The following CFAP52 variants were observed in gnomAD, a reference collection of about 807,000 sequenced individuals.
The protein encoded by CFAP52 is cilia- and flagella-associated protein 52.
Under a neutral mutation model 70.5 loss-of-function variants are expected in CFAP52, and 57 were observed. The observed-to-expected ratio is 0.81, with a 90% CI of 0.65 to 1.01. The LOEUF is 1.01. Ranked by LOEUF, CFAP52 falls within the 50% of genes least tolerant of loss-of-function variation. The probability of loss-of-function intolerance (pLI) is 0.00; values close to 1 mark genes in which losing one functional copy is unlikely to be tolerated. For missense variants in CFAP52, 785 were observed against 788.5 expected (o/e 1.00, Z 0.05); for synonymous variants, 267 against 292.5 (o/e 0.91, Z 0.89).
At chr17:9,641,308 A>C (rs1482952958) in intron 12 of CFAP52, among the ~76,000 whole-genome samples, 1 of 152,154 alleles carries the variant, frequency 6.6e-6, no homozygotes, top group Non-Finnish European at 1.5e-5. Context: ...GTGCCTGTAC[A>C]GCCCAGTCTC....
chr17:9,600,267 A>G, intron 6 of CFAP52, 84 bp downstream of exon 6: 1 of 1,151,014 alleles, frequency 8.7e-7, no homozygotes, highest in Non-Finnish European at 1.3e-6. Flanking sequence ...TTTGAGATGC[A>G]GTCTTGTTCT....
Position 9,632,163 on chromosome 17 carries a change from C to T in CFAP52, c.1175-725C>T, listed in dbSNP as rs532971578. 2.6e-5 allele frequency among the ~76,000 whole-genome samples: 4 copies of T among 152,104 alleles called. No individual in the cohort carries two copies. In the East Asian group the frequency reaches 7.7e-4, roughly 29 times the overall value. ...CGGACTCTTGGCTCACTGCAACCTC[C>T]ATCTCCCAGGTTTAAGTGATCCTCC... On this transcript the variant is annotated intron_variant, in intron 9 of 13. Transcript: ENST00000352665.
rs1910631465 is a variant in CFAP52, at chr17:9,633,182, TAAATA to T, written c.1320+153_1320+157del. The T allele has an allele frequency of 3.1e-6, 3 of 954,764 alleles. No homozygotes were observed. In the Admixed American group the frequency reaches 9.0e-5, roughly 29 times the overall value. 59.1% of individuals were successfully genotyped at this position (954,764 alleles called of 1,614,324 possible). A position where few individuals can be genotyped will look rare whatever the true frequency, so the allele number is the denominator to read the frequency against. Reference sequence around the variant, plus strand: ...TTTGATGAGATCTGAAAATATGTCATAAATAAAAGTTCTAATATTATAAATGTATA... The same window carrying T: ...TTTGATGAGATCTGAAAATATGTCATAAAGTTCTAATATTATAAATGTATA... On this transcript the variant is annotated intron_variant, in intron 10 of 13. Transcript: ENST00000352665.
chr17:9,586,651 T>G, intron 2 of CFAP52, 47 bp from the exon 3 acceptor site: 1 of 1,544,152 alleles, frequency 6.5e-7, no homozygotes, highest in Non-Finnish European at 8.7e-7. Flanking sequence ...TCTCCTCAGA[T>G]GCTTTTAATG....
intron 1 of CFAP52, among the ~76,000 whole-genome samples, chr17:9,581,380 A>G (rs745505537): frequency 6.6e-6 from 1 of 152,234 alleles, no homozygotes; most frequent in Non-Finnish European, 1.5e-5. Context: ...TTGATACTGT[A>G]CAATCCTTAA....
intron 9 of CFAP52, among the ~76,000 whole-genome samples, chr17:9,631,750 T>G (rs1208100649): frequency 6.7e-6 from 1 of 150,012 alleles, no homozygotes; most frequent in Non-Finnish European, 1.5e-5. Context: ...CTAAGTGCAG[T>G]GGGAAAATGT....
At chr17:9,606,166 T>C (rs1020235048) in intron 6 of CFAP52, among the ~76,000 whole-genome samples, 1 of 152,168 alleles carries the variant, frequency 6.6e-6, no homozygotes, top group Non-Finnish European at 1.5e-5. Flanking sequence ...GAGGATCACT[T>C]GAGGCTGGAG....
At chr17:9,587,542 A>G (rs1391852529) in intron 3 of CFAP52, among the ~76,000 whole-genome samples, 6 of 151,972 alleles carry the variant, frequency 3.9e-5, no homozygotes, top group Non-Finnish European at 7.4e-5. Flanking sequence ...TTATTTTTTG[A>G]CTTTTTAATA....
At chr17:9,593,133 A>G (rs1908838303) in intron 3 of CFAP52, among the ~76,000 whole-genome samples, 1 of 152,218 alleles carries the variant, frequency 6.6e-6, no homozygotes. Context: ...ATGTTTTTAC[A>G]TGAACAAGAT....
In CFAP52 at chr17:9,586,679, G is replaced by A. The variant is rs768841227; in HGVS notation, c.271-19G>A. 1.9e-5 allele frequency: 31 copies of A among 1,597,060 alleles called. No homozygotes were observed. Among genetic ancestry groups the A allele is most frequent in the East Asian group, 9.0e-5 (4 of 44,262 alleles). On this transcript the variant is annotated intron_variant, in intron 2 of 13. Coordinates refer to ENST00000352665, the MANE Select transcript of CFAP52 (RefSeq NM_145054.5). The stretch of plus-strand genomic sequence containing the variant: ...TTTTAATGCCTCCCTATGATCTGAC[G>A]GTGTGTTCTTGCCCCCAGGCAGACA...
intron 4 of CFAP52, among the ~76,000 whole-genome samples, chr17:9,596,471 G>T (rs1029675252): frequency 1.3e-5 from 2 of 151,778 alleles, no homozygotes; most frequent in South Asian, 4.2e-4. Context: ...TGTGATGTTG[G>T]CCTTGAAATT....
rs376283850 is a variant in CFAP52 at position 9,632,895 on chromosome 17, C to G, written c.1182C>G (p.Asn394Lys). The change falls in exon 10 of 14, where the codon AAC becomes AAG. Residue 394 changes from asparagine (N) to lysine (K), a missense_variant. Coordinates refer to ENST00000352665, the MANE Select transcript of CFAP52 (RefSeq NM_145054.5). ...GTTTCCCTTTCATGCCAGCATGGAA[C>G]GACGGTAAAATCCGAGCCTTCGCCC... ...RDGKSIISAW[N>K]DGKIRAFAPE... 26 of 1,613,950 alleles carry G rather than the reference C, an allele frequency of 1.6e-5. No homozygotes were observed. Among genetic ancestry groups the G allele is most frequent in the Non-Finnish European group, 2.2e-5 (26 of 1,179,898 alleles).
chr17:9,638,709 A>C lies in CFAP52; in HGVS notation c.1573A>C (p.Lys525Gln). 1.2e-6 allele frequency: 2 copies of C among 1,613,932 alleles called. No individual in the cohort carries two copies. The highest frequency in any genetic ancestry group is 1.7e-6 in the Non-Finnish European group (2 of 1,179,810). ...FQIITSGTDR[K>Q]IAYWEVFDGT... ...GATCATCACCAGCGGAACAGACAGA[A>C]AGGTGAGTCCTCCCAGTGAGAGATG... Residue 525 changes from lysine to glutamine, a missense_variant and splice_region_variant, in exon 12 of 14, where the codon AAG becomes CAG. Transcript: ENST00000352665.
chr17:9,577,312 G>A (rs567544411), intron 1 of CFAP52, among the ~76,000 whole-genome samples: 1 of 152,298 alleles, frequency 6.6e-6, no homozygotes, highest in East Asian at 1.9e-4. Context: ...TAAATGATGA[G>A]GATTTCAGAC....
chr17:9,608,110 T>A lies in CFAP52; in HGVS notation c.754-9T>A. ...TTGTGCTTTTTCTTAACACAGTTTT[T>A]CCCCCTAGGGAGTGTCAGCTATCAG... is the stretch of plus-strand genomic sequence containing the variant. On this transcript the variant is annotated splice_polypyrimidine_tract_variant and intron_variant, in intron 6 of 13. Transcript: ENST00000352665. 1 of 1,605,182 alleles carries A rather than the reference T, an allele frequency of 6.2e-7. No individual in the cohort carries two copies. Among genetic ancestry groups the A allele is most frequent in the Non-Finnish European group, 8.5e-7 (1 of 1,174,742 alleles).
intron 9 of CFAP52, among the ~76,000 whole-genome samples, chr17:9,631,021 AG>A (rs1272415203): frequency 1.5e-5 from 1 of 68,450 alleles, no homozygotes; most frequent in East Asian, 6.9e-4. Context: ...AAAGAAAGAA[AG>A]AAAGAAAGAG....
chr17:9,614,149 CTTTCTTTCT>C (rs1909817910), intron 8 of CFAP52, among the ~76,000 whole-genome samples: 3 of 125,834 alleles, frequency 2.4e-5, no homozygotes, highest in Admixed American at 1.0e-4. Flanking sequence ...TTTTTCTTTT[CTTTCTTTCT>C]TTTTTTTTTT....
downstream of CFAP52, chr17:9,645,442 G>T: frequency 2.6e-6 from 1 of 387,154 alleles, no homozygotes; most frequent in Admixed American, 5.2e-5. The surrounding 1 kb of genome is among the most constrained non-coding windows in gnomAD (Gnocchi z 6.8). Context: ...CCCTGGAGGG[G>T]GCTGGTCGTG....
chr17:9,616,241 C>G (rs915996269), intron 8 of CFAP52, among the ~76,000 whole-genome samples: 1 of 148,086 alleles, frequency 6.8e-6, no homozygotes, highest in Non-Finnish European at 1.5e-5. Flanking sequence ...GGGTGACGGA[C>G]GCACCTGGAA....
Sources: allele counts gnomAD v4.1 joint callset (sites outside exome capture counted in the v4.1 genomes callset), GRCh38; gene constraint gnomAD v4.1.1; non-coding constraint Gnocchi (gnomAD v3.1); transcripts MANE v1.5; gene names NCBI Gene and HGNC (gene_info 2026-07-23, HGNC 2026-07-21).